The following TMCO5A variants were observed in gnomAD, a reference collection of about 807,000 sequenced individuals.
TMCO5A encodes transmembrane and coiled-coil domains 5A, also known as transmembrane and coiled-coil domain-containing protein 5A.
TMCO5A carries 34 observed loss-of-function variants against 42.3 expected under a neutral mutation model. That is an observed-to-expected ratio of 0.80 (90% CI 0.61 to 1.07). The LOEUF is 1.07. Among genes scored for constraint, TMCO5A ranks in the 50% least tolerant of loss-of-function variants. The probability of loss-of-function intolerance (pLI) is 0.00; values close to 1 mark genes in which losing one functional copy is unlikely to be tolerated. For synonymous variants in TMCO5A, 131 were observed against 115.6 expected, an observed-to-expected ratio of 1.13 and a Z score of -0.86; for missense variants, 357 against 327.9, an observed-to-expected ratio of 1.09 and a Z score of -0.69.
chr15:37,943,671 C>A lies in TMCO5A; in HGVS notation c.627+273C>A. 3 of 405,210 alleles carry A rather than the reference C, an allele frequency of 7.4e-6. No individual in the cohort carries two copies. The South Asian group carries it at 9.1e-5, about 12-fold the overall frequency. The allele number at this position is 405,210 out of a possible 1,614,324, so 25.1% of individuals were successfully genotyped here. ...AACTCAGAATGGAGGCAAGAAGCAACCTTAATTGAGGGTATGCTCTATAGA... is the reference window on the plus strand; with the variant it reads ...AACTCAGAATGGAGGCAAGAAGCAAACTTAATTGAGGGTATGCTCTATAGA... On this transcript the variant is annotated intron_variant, in intron 10 of 11. Coordinates refer to ENST00000319669, the MANE Select transcript of TMCO5A (RefSeq NM_152453.4).
the TMCO5A span, among the ~76,000 whole-genome samples, chr15:37,982,211 C>G: frequency 6.6e-6 from 1 of 152,024 alleles, no homozygotes; most frequent in Non-Finnish European, 1.5e-5. Context: ...GTATCAATCC[C>G]AAGGGCTGAG....
chr15:37,969,401 A>G (rs1890631455), downstream of TMCO5A, among the ~76,000 whole-genome samples: 1 of 152,194 alleles, frequency 6.6e-6, no homozygotes, highest in Non-Finnish European at 1.5e-5. Context: ...TCTACTGGCA[A>G]TTATTAGAGT....
chr15:37,945,980 C>T (rs1275789023), intron 10 of TMCO5A, among the ~76,000 whole-genome samples: 1 of 152,084 alleles, frequency 6.6e-6, no homozygotes, highest in South Asian at 2.1e-4. Flanking sequence ...AGATTTTCTT[C>T]TAGGGTTTTT....
chr15:37,936,104 C>A, intron 2 of TMCO5A: 2 of 435,744 alleles, frequency 4.6e-6, no homozygotes, highest in East Asian at 4.2e-5. Context: ...GAGGAGAAAG[C>A]CTGGGAAAGA....
the TMCO5A span, among the ~76,000 whole-genome samples, chr15:38,025,200 TGG>T: frequency 3.4e-4 from 48 of 141,040 alleles, no homozygotes; most frequent in African/African-American, 7.1e-4. Context: ...TGTGTGTGTG[TGG>T]AAGCAGAAAA....
chr15:38,000,610 T>G, the TMCO5A span, among the ~76,000 whole-genome samples: 3 of 152,126 alleles, frequency 2.0e-5, no homozygotes, highest in African/African-American at 7.2e-5. Context: ...ATTGTGTTAT[T>G]TATTTGAAGT....
the TMCO5A span, among the ~76,000 whole-genome samples, chr15:38,029,866 C>A: frequency 6.6e-6 from 1 of 152,190 alleles, no homozygotes; most frequent in African/African-American, 2.4e-5. Context: ...GGCTTTCATA[C>A]CATTAAATAG....
At chr15:37,938,726 T>C (rs1273289834) in intron 6 of TMCO5A, among the ~76,000 whole-genome samples, 1 of 152,100 alleles carries the variant, frequency 6.6e-6, no homozygotes, top group Admixed American at 6.6e-5. Context: ...TACTGAGTGC[T>C]CGGCAATTTA....
chr15:37,976,198 T>A, the TMCO5A span, among the ~76,000 whole-genome samples: 1 of 151,680 alleles, frequency 6.6e-6, no homozygotes, highest in South Asian at 2.1e-4. Context: ...TGAGCTGAGA[T>A]TGTACCACCG....
the TMCO5A span, among the ~76,000 whole-genome samples, chr15:37,977,421 G>A: frequency 4.6e-5 from 7 of 152,326 alleles, no homozygotes; most frequent in East Asian, 3.9e-4. Flanking sequence ...CTGAGGCTTC[G>A]TGCAGGGTCT....
chr15:37,963,181 G>T (rs1253622878), intron 11 of TMCO5A, among the ~76,000 whole-genome samples: 3 of 152,044 alleles, frequency 2.0e-5, no homozygotes, highest in South Asian at 4.1e-4. Flanking sequence ...TTTGATGTAG[G>T]TGTTCAGGGC....
the TMCO5A span, among the ~76,000 whole-genome samples, chr15:37,988,046 AT>A: frequency 6.6e-6 from 1 of 151,852 alleles, no homozygotes; most frequent in East Asian, 1.9e-4. Context: ...GCAATGTTTC[AT>A]AATTTTCTTT....
At chr15:38,030,134 T>C in the TMCO5A span, among the ~76,000 whole-genome samples, 1 of 152,168 alleles carries the variant, frequency 6.6e-6, no homozygotes, top group African/African-American at 2.4e-5. Context: ...ATCTGTGACA[T>C]AACTTTCAGG....
chr15:38,033,882 G>A, the TMCO5A span, among the ~76,000 whole-genome samples: 1 of 152,110 alleles, frequency 6.6e-6, no homozygotes, highest in African/African-American at 2.4e-5. Flanking sequence ...CCAAAGTGCT[G>A]GGATTACAGG....
At chr15:38,032,727 A>C in the TMCO5A span, among the ~76,000 whole-genome samples, 1 of 152,168 alleles carries the variant, frequency 6.6e-6, no homozygotes, top group African/African-American at 2.4e-5. Context: ...TCAGCAAACC[A>C]AGGGTAGCAC....
At chr15:37,936,198 G>A in intron 2 of TMCO5A, 116 bp from the exon 3 acceptor site, 1 of 1,159,228 alleles carries the variant, frequency 8.6e-7, no homozygotes, top group Non-Finnish European at 1.2e-6. Flanking sequence ...AAAATGGTAT[G>A]CCCCCAGAGA....
At chr15:38,018,160 T>C in the TMCO5A span, among the ~76,000 whole-genome samples, 24 of 152,136 alleles carry the variant, frequency 1.6e-4, no homozygotes, top group Non-Finnish European at 1.5e-4. Context: ...CATTCACAAA[T>C]TCTGAAGAAA....
At chr15:38,009,575 G>A in the TMCO5A span, among the ~76,000 whole-genome samples, 1 of 152,170 alleles carries the variant, frequency 6.6e-6, no homozygotes, top group Non-Finnish European at 1.5e-5. Flanking sequence ...CACACCATTA[G>A]TAAGAACTCA....
At chr15:37,999,166 A>G in the TMCO5A span, among the ~76,000 whole-genome samples, 2 of 152,302 alleles carry the variant, frequency 1.3e-5, no homozygotes, top group African/African-American at 4.8e-5. Context: ...TCAGCCTCCC[A>G]AAGTGCTGGG....
Sources: allele counts gnomAD v4.1 joint callset (sites outside exome capture counted in the v4.1 genomes callset), GRCh38; gene constraint gnomAD v4.1.1; transcripts MANE v1.5; gene names NCBI Gene and HGNC (gene_info 2026-07-23, HGNC 2026-07-21).